The following MAGI2 variants were observed in gnomAD, a reference collection of about 807,000 sequenced individuals.
MAGI2 encodes membrane-associated guanylate kinase, WW and PDZ domain-containing protein 2.
In MAGI2, 35 loss-of-function variants were observed where a neutral mutation model predicts 133.3. The observed-to-expected ratio is 0.26, with a 90% CI of 0.20 to 0.35. MAGI2 has a LOEUF of 0.35. MAGI2 is among the 10% of genes least tolerant of loss of function. MAGI2 has a pLI of 1.00. For synonymous variants in MAGI2, 729 were observed against 710.6 expected (o/e 1.03, Z -0.41); for missense variants, 1,636 against 1,863.4 (o/e 0.88, Z 2.25).
At chr7:78,115,949 G>C (rs1479715913) in intron 20 of MAGI2, among the ~76,000 whole-genome samples, 1 of 152,214 alleles carries the variant, frequency 6.6e-6, no homozygotes, top group Admixed American at 6.5e-5. Flanking sequence ...TAGCTGAATA[G>C]TTCAATAACC....
Position 78,294,757 on chromosome 7 carries a change from G to A in MAGI2, c.1409-38176C>T, listed in dbSNP as rs146354696. Among the ~76,000 whole-genome samples the A allele has an allele frequency of 4.3e-4, 66 of 152,220 alleles. 1 individual carries two copies. The East Asian group carries it at 6.0e-3, about 14-fold the overall frequency. On this transcript the variant is annotated intron_variant, in intron 9 of 21. Coordinates refer to ENST00000354212, the MANE Select transcript of MAGI2 (RefSeq NM_012301.4). ...GTGTACTCGGTACTACGCTAAGTACGATGATGGCCACAATACACGGTTTCA... is the reference window on the plus strand; with the variant it reads ...GTGTACTCGGTACTACGCTAAGTACAATGATGGCCACAATACACGGTTTCA...
intron 1 of MAGI2, among the ~76,000 whole-genome samples, chr7:79,066,664 T>TAGTCATTA (rs1238627315): frequency 6.6e-6 from 1 of 152,208 alleles, no homozygotes; most frequent in African/African-American, 2.4e-5. Context: ...TTTGGTGTTT[T>TAGTCATTA]AGTCATTAAG....
rs1245214410 is a variant in MAGI2 at position 78,868,045 on chromosome 7, A to C, written c.418+139045T>G. 2.0e-5 allele frequency among the ~76,000 whole-genome samples: 3 copies of C among 152,218 alleles called. No homozygotes were observed. The East Asian group carries it at 5.8e-4, about 29-fold the overall frequency. ...TTTTAACAAATGGAGAGCAACTAAAATTCAAAGCAGAGTATTAATCTTCAC... is the reference window on the plus strand; with the variant it reads ...TTTTAACAAATGGAGAGCAACTAAACTTCAAAGCAGAGTATTAATCTTCAC... On this transcript the variant is annotated intron_variant, in intron 2 of 21. Coordinates refer to ENST00000354212, the MANE Select transcript of MAGI2 (RefSeq NM_012301.4).
At chr7:78,229,940 G>C (rs1789791141) in intron 10 of MAGI2, among the ~76,000 whole-genome samples, 1 of 152,182 alleles carries the variant, frequency 6.6e-6, no homozygotes, top group Admixed American at 6.5e-5. Flanking sequence ...AGGGATTAGT[G>C]ACCCACAGAA....
intron 3 of MAGI2, among the ~76,000 whole-genome samples, chr7:78,573,265 T>TATATATAA (rs1187267219): frequency 4.7e-5 from 1 of 21,394 alleles, no homozygotes; most frequent in African/African-American, 1.5e-4. Context: ...TAAATATAAA[T>TATATATAA]ATATATAAAT....
At chr7:79,120,380 G>C (rs567954329) in intron 1 of MAGI2, among the ~76,000 whole-genome samples, 3 of 151,978 alleles carry the variant, frequency 2.0e-5, no homozygotes, top group Non-Finnish European at 4.4e-5. Flanking sequence ...ATGCAAGATG[G>C]AAGTACTGAA....
At chr7:79,451,392 A>G (rs1849236058) in intron 1 of MAGI2, among the ~76,000 whole-genome samples, 1 of 152,222 alleles carries the variant, frequency 6.6e-6, no homozygotes, top group East Asian at 1.9e-4. Context: ...GTATTTTGAC[A>G]TCGAACATGT....
At chr7:78,513,503 A>G (rs1313882947) in intron 4 of MAGI2, among the ~76,000 whole-genome samples, 1 of 147,192 alleles carries the variant, frequency 6.8e-6, no homozygotes, top group African/African-American at 2.4e-5. Context: ...GAACTATAAG[A>G]AACCCAGGGA....
intron 1 of MAGI2, among the ~76,000 whole-genome samples, chr7:79,128,059 C>A (rs1007590608): frequency 5.9e-5 from 9 of 152,106 alleles, no homozygotes; most frequent in African/African-American, 1.9e-4. Context: ...AATAGGGAAT[C>A]CTTTCCCCGT....
chr7:78,706,381 G>A (rs1265624836), intron 2 of MAGI2, among the ~76,000 whole-genome samples: 3 of 126,676 alleles, frequency 2.4e-5, no homozygotes, highest in Non-Finnish European at 5.0e-5. Context: ...CCATGATTCC[G>A]AGACCTTCCC....
intron 5 of MAGI2, among the ~76,000 whole-genome samples, chr7:78,500,612 A>T (rs80230091): frequency 4.3e-4 from 65 of 152,338 alleles, no homozygotes; most frequent in South Asian, 1.0e-3. Context: ...TTTTTTAAAA[A>T]TGTCCTAAAA....
chr7:79,339,881 T>A (rs1840761717), intron 1 of MAGI2, among the ~76,000 whole-genome samples: 1 of 152,078 alleles, frequency 6.6e-6, no homozygotes, highest in African/African-American at 2.4e-5. Context: ...AGCCTGAGAT[T>A]TTTTCCTCCT....
chr7:78,019,080 T>C lies in MAGI2; in HGVS notation c.*235A>G, dbSNP rs1563005600. The C allele has an allele frequency of 4.3e-6, 2 of 463,442 alleles. No homozygotes were observed. The highest frequency in any genetic ancestry group is 7.6e-6 in the Non-Finnish European group (2 of 262,854). 28.7% of individuals were successfully genotyped at this position (463,442 alleles called of 1,614,324 possible). On this transcript the variant is annotated 3_prime_UTR_variant, in exon 22 of 22. Transcript: ENST00000354212. ...TCTTCACGTTATTTTGGTTCTTCCA[T>C]AGCTGCCAAAGCCCCCACAAGGGAA... is the stretch of plus-strand genomic sequence containing the variant.
chr7:78,917,582 C>T (rs1459718328), intron 2 of MAGI2, among the ~76,000 whole-genome samples: 4 of 152,076 alleles, frequency 2.6e-5, no homozygotes, highest in Admixed American at 1.3e-4. Flanking sequence ...TTGAGACCAA[C>T]TGAGTGTCCA....
chr7:79,178,075 T>C (rs1562966205), intron 1 of MAGI2, among the ~76,000 whole-genome samples: 1 of 152,014 alleles, frequency 6.6e-6, no homozygotes, highest in Non-Finnish European at 1.5e-5. Flanking sequence ...TATATCTTTA[T>C]GAAAATAAGA....
intron 20 of MAGI2, among the ~76,000 whole-genome samples, chr7:78,110,634 A>G (rs1819265166): frequency 6.6e-6 from 1 of 152,208 alleles, no homozygotes; most frequent in South Asian, 2.1e-4. Flanking sequence ...CTCCCTTTGT[A>G]TGGGCTCTAC....
chr7:78,885,073 A>G (rs1203521642), intron 2 of MAGI2, among the ~76,000 whole-genome samples: 1 of 152,178 alleles, frequency 6.6e-6, no homozygotes, highest in Non-Finnish European at 1.5e-5. Context: ...ACCAAATACC[A>G]TGTTCTCTCT....
chr7:78,934,572 G>A (rs560395198), intron 2 of MAGI2, among the ~76,000 whole-genome samples: 8 of 151,990 alleles, frequency 5.3e-5, no homozygotes, highest in African/African-American at 1.9e-4. Context: ...GGCCGACATG[G>A]GGACACCTTT....
intron 4 of MAGI2, among the ~76,000 whole-genome samples, chr7:78,507,437 A>C (rs1164927412): frequency 6.6e-6 from 1 of 152,144 alleles, no homozygotes; most frequent in African/African-American, 2.4e-5. Flanking sequence ...GAACTGAGCC[A>C]AGAAGGTCCA....
Sources: gnomAD v4.1 joint callset for allele counts (sites outside exome capture counted in the v4.1 genomes callset) on GRCh38, gnomAD v4.1.1 for gene constraint, MANE v1.5 for transcripts, NCBI Gene and HGNC (gene_info 2026-07-23, HGNC 2026-07-21) for gene names.